Variants in APOL4 observed in about 807,000 individuals in gnomAD.
The protein encoded by APOL4 is apolipoprotein L, 4.
APOL4 carries 14 observed loss-of-function variants against 12.1 expected under a neutral mutation model. The observed-to-expected ratio is 1.16, with a 90% CI of 0.76 to 1.81. The LOEUF (loss-of-function observed/expected upper bound fraction) is 1.81, where lower values mean the gene tolerates loss of function less well. Among genes scored for constraint, APOL4 ranks in the 40% most tolerant of loss-of-function variants. APOL4 has a pLI of 0.00. For synonymous variants in APOL4, 171 were observed against 160.6 expected, an observed-to-expected ratio of 1.06 and a Z score of -0.49; for missense variants, 432 against 423.1, an observed-to-expected ratio of 1.02 and a Z score of -0.18.
At chr22:36,194,097 C>CT (rs1336190582) in intron 3 of APOL4, among the ~76,000 whole-genome samples, 5 of 152,160 alleles carry the variant, frequency 3.3e-5, no homozygotes, top group African/African-American at 7.2e-5. Flanking sequence ...GTGTTTTTCT[C>CT]TTTGGTTGGG....
At chr22:36,197,031 T>G (rs2014430114) in intron 2 of APOL4, among the ~76,000 whole-genome samples, 1 of 152,148 alleles carries the variant, frequency 6.6e-6, no homozygotes, top group Non-Finnish European at 1.5e-5. Flanking sequence ...CCGTGTTGCC[T>G]CTGTCCCCTG....
intron 2 of APOL4, among the ~76,000 whole-genome samples, chr22:36,197,098 C>G (rs993419247): frequency 2.6e-5 from 4 of 152,178 alleles, no homozygotes; most frequent in African/African-American, 9.7e-5. Flanking sequence ...CAGCTGGCCC[C>G]GTTAGTAAAC....
rs202120098 is a variant in APOL4, at chr22:36,191,413, T to A, written c.709A>T (p.Thr237Ser). The A allele has an allele frequency of 6.1e-5, 99 of 1,613,962 alleles. No homozygotes were observed. The highest frequency in any genetic ancestry group is 1.7e-6 in the Non-Finnish European group (2 of 1,179,910). ...LSFALDFDEA[T>S]KMIANDVHTL... ...TGGACATCATTCGCAATCATTTTTG[T>A]GGCTTCGTCAAAATCAAGTGCAAAA... The change falls in exon 4 of 4, where the codon ACA (threonine) becomes TCA (serine). Residue 237 changes from threonine (T) to serine (S), a missense_variant. By Grantham distance (58) the Thr-to-Ser change is moderately conservative. Transcript: ENST00000683024.
At chr22:36,192,407 G>A (rs930086285) in intron 3 of APOL4, among the ~76,000 whole-genome samples, 3 of 152,192 alleles carry the variant, frequency 2.0e-5, no homozygotes, top group African/African-American at 4.8e-5. Context: ...ATATGCCACA[G>A]TACTTATTCA....
intron 2 of APOL4, among the ~76,000 whole-genome samples, chr22:36,195,764 TCTCTCTC>T (rs1569531223): frequency 8.7e-6 from 1 of 115,114 alleles, no homozygotes; most frequent in African/African-American, 2.8e-5. Flanking sequence ...TCTCTCTCTC[TCTCTCTC>T]TCTCTCACAC....
At position 36,195,295 on chromosome 22, in the gene APOL4, A is replaced by G. The variant is rs769492548; in HGVS notation, c.209+16T>C. 6.2e-6 allele frequency: 10 copies of G among 1,611,812 alleles called. No individual in the cohort carries two copies. Among genetic ancestry groups the G allele is most frequent in the Non-Finnish European group, 8.5e-6 (10 of 1,178,834 alleles). ...ATCACCGGGGTGCCCCAAGGAGGTA[A>G]CCCCATGGAGGTTACCTGGGCAATT... On this transcript the variant is annotated intron_variant, in intron 3 of 3. Coordinates refer to ENST00000683024, the MANE Select transcript of APOL4 (RefSeq NM_001386885.1).
At chr22:36,199,470 G>C (rs2014506010) in intron 1 of APOL4, 94 bp from the exon 2 acceptor site, 1 of 1,613,036 alleles carries the variant, frequency 6.2e-7, no homozygotes, top group Non-Finnish European at 8.5e-7. Flanking sequence ...ATCCCTCTGA[G>C]GTGGCAGCAA....
At chr22:36,203,557 T>C (rs1333459873), upstream of APOL4, among the ~76,000 whole-genome samples, 1 of 152,196 alleles carries the variant, frequency 6.6e-6, no homozygotes, top group Admixed American at 6.5e-5. Context: ...ATTAGCAAGA[T>C]ATTAATCAGC....
In APOL4 at chr22:36,191,187, A is replaced by T; in HGVS notation, c.935T>A (p.Leu312Ter). The change falls in exon 4 of 4, where the codon TTG becomes TAG. Residue 312 changes from leucine to a stop codon, truncating the protein, a stop_gained. Coordinates refer to ENST00000683024, the MANE Select transcript of APOL4 (RefSeq NM_001386885.1). LOFTEE classifies it low-confidence loss of function (END_TRUNC). Reference sequence around the variant, plus strand: ...AGACTCGGATTTTGCCCCCTTGTGCAAGTCCAGTGAGTCTTGCACAAGGTT... The same window carrying T: ...AGACTCGGATTTTGCCCCCTTGTGCTAGTCCAGTGAGTCTTGCACAAGGTT... The part of the protein sequence containing the change: ...VVNLVQDSLD[L>*]HKGAKSESAE... 1 of 1,613,688 alleles carries T rather than the reference A, an allele frequency of 6.2e-7. No homozygotes were observed. Among genetic ancestry groups the T allele is most frequent in the Non-Finnish European group, 8.5e-7 (1 of 1,179,744 alleles).
chr22:36,195,155 TG>T, intron 3 of APOL4, 155 bp downstream of exon 3: 1 of 966,062 alleles, frequency 1.0e-6, no homozygotes, highest in Non-Finnish European at 1.5e-6. Context: ...GCGAAGCACT[TG>T]GAGGAAATAT....
chr22:36,199,211 TGG>T lies in APOL4; in HGVS notation c.82+117_82+118del. On this transcript the variant is annotated intron_variant, in intron 2 of 3. Transcript: ENST00000683024. ...GGCAGCCTCATCAGCCACCTCCGTC[TGG>T]GTTCCGTTGGGGCTCACTCAGCCTT... 7.1e-6 allele frequency: 10 copies of T among 1,402,610 alleles called. No individual in the cohort carries two copies. The South Asian group carries it at 1.2e-4, about 17-fold the overall frequency. The allele number at this position is 1,402,610 out of a possible 1,614,324, so 86.9% of individuals were successfully genotyped here.
upstream of APOL4, chr22:36,201,906 G>A: frequency 6.2e-7 from 1 of 1,607,922 alleles, no homozygotes; most frequent in South Asian, 1.1e-5. Flanking sequence ...AACCCACATG[G>A]CTCCTGGCCC....
intron 2 of APOL4, among the ~76,000 whole-genome samples, chr22:36,198,037 T>C (rs2014464657): frequency 6.6e-6 from 1 of 152,188 alleles, no homozygotes; most frequent in Admixed American, 6.5e-5. Flanking sequence ...TTATGCTTAC[T>C]CTGCCCCTTA....
At chr22:36,201,243 T>C (rs8138104) in intron 1 of APOL4, among the ~76,000 whole-genome samples, 9,166 of 150,236 alleles carry the variant, frequency 0.061, 865 homozygotes, top group African/African-American at 0.22. Context: ...GCGCACTCCC[T>C]GGCACACCCA....
At chr22:36,197,890 G>A (rs550852452) in intron 2 of APOL4, 2 of 1,489,238 alleles carry the variant, frequency 1.3e-6, no homozygotes, top group African/African-American at 2.8e-5. Context: ...TCAGCACTGG[G>A]TCTGACCCAC....
Position 36,190,329 on chromosome 22 carries a change from T to C in APOL4, c.*746A>G, listed in dbSNP as rs945096946. ...AGGACCGGGGAGAAATTAAAATTGC[T>C]AATGAGGTTTCGGGCACCATTGTCA... On this transcript the variant is annotated 3_prime_UTR_variant, in exon 4 of 4. Transcript: ENST00000683024. 11 of 152,226 alleles carry C rather than the reference T, an allele frequency of 7.2e-5. No homozygotes were observed. Among genetic ancestry groups the C allele is most frequent in the Non-Finnish European group, 1.6e-4 (11 of 68,040 alleles). The allele number at this position is 152,226 out of a possible 1,614,324, so 9.4% of individuals were successfully genotyped here.
chr22:36,201,355 C>A (rs2014567592), intron 1 of APOL4, among the ~76,000 whole-genome samples: 1 of 150,426 alleles, frequency 6.6e-6, no homozygotes, highest in Non-Finnish European at 1.5e-5. Context: ...ACTAAAGCCC[C>A]CTCCTCAAAA....
chr22:36,201,944 C>A, upstream of APOL4: 1 of 1,613,778 alleles, frequency 6.2e-7, no homozygotes, highest in Non-Finnish European at 8.5e-7. Flanking sequence ...ATTGTGCAGC[C>A]CAGACAGGGA....
chr22:36,199,247 C>T, intron 2 of APOL4, 83 bp downstream of exon 2: 4 of 1,572,722 alleles, frequency 2.5e-6, no homozygotes, highest in East Asian at 2.2e-5. Context: ...TTGAAGACAC[C>T]ACCCTCCATT....
Sources: gnomAD v4.1 joint callset for allele counts (sites outside exome capture counted in the v4.1 genomes callset) on GRCh38, gnomAD v4.1.1 for gene constraint, MANE v1.5 for transcripts, NCBI Gene and HGNC (gene_info 2026-07-23, HGNC 2026-07-21) for gene names.